The following WWP2 variants were observed in gnomAD, a reference collection of about 807,000 sequenced individuals.
WWP2 encodes WW domain containing E3 ubiquitin protein ligase 2, also known as NEDD4-like E3 ubiquitin-protein ligase WWP2.
In WWP2, 57 loss-of-function variants were observed where a neutral mutation model predicts 121.0. The ratio of observed to expected loss-of-function variants is 0.47; its 90% CI spans 0.38 to 0.59. The LOEUF (loss-of-function observed/expected upper bound fraction) is 0.59. WWP2 is among the 20% of genes least tolerant of loss of function. The probability of loss-of-function intolerance (pLI) is 0.00; values close to 1 mark genes in which losing one functional copy is unlikely to be tolerated. For missense variants in WWP2, 962 were observed against 1,158.9 expected (o/e 0.83, Z 2.47); for synonymous variants, 449 against 441.3 (o/e 1.02, Z -0.22).
At chr16:69,852,008 C>CAAAACAA (rs1339207652) in intron 6 of WWP2, among the ~76,000 whole-genome samples, 1 of 151,860 alleles carries the variant, frequency 6.6e-6, no homozygotes, top group Non-Finnish European at 1.5e-5. Context: ...CAAAACAAAA[C>CAAAACAA]AAAGTTTTTA....
At chr16:69,817,272 A>G (rs183151343) in intron 4 of WWP2, among the ~76,000 whole-genome samples, 3 of 152,122 alleles carry the variant, frequency 2.0e-5, no homozygotes, top group African/African-American at 7.2e-5. Context: ...GTTTTTTGAG[A>G]CAGTCTCATG....
At chr16:69,886,845 C>T (rs1011842522) in intron 7 of WWP2, among the ~76,000 whole-genome samples, 1 of 152,172 alleles carries the variant, frequency 6.6e-6, no homozygotes, top group Non-Finnish European at 1.5e-5. Flanking sequence ...CTGTAAGAAA[C>T]GTTCACGAAG....
intron 4 of WWP2, among the ~76,000 whole-genome samples, chr16:69,822,927 A>G (rs752142747): frequency 7.9e-5 from 12 of 152,224 alleles, no homozygotes; most frequent in Non-Finnish European, 1.6e-4. Context: ...ATTTGAGGCC[A>G]GGAATTCAAG....
chr16:69,934,043 A>T lies in WWP2; in HGVS notation c.1756A>T (p.Asn586Tyr). The change falls in exon 17 of 24, where the codon AAT becomes TAT. Residue 586 changes from asparagine to tyrosine, a missense_variant. Around this residue, in one of 3 missense-constraint regions of WWP2, gnomAD observed 606 missense variants for 772.6 expected, o/e 0.78. Coordinates refer to ENST00000359154, the MANE Select transcript of WWP2 (RefSeq NM_001270454.2). The part of the protein sequence containing the change: ...YCLFEYAGKN[N>Y]YCLQINPASS... ...TTTATTTGAATATGCCGGAAAGAAC[A>T]ATTACTGCCTGCAGATCAACCCCGC... 1 of 1,614,160 alleles carries T rather than the reference A, an allele frequency of 6.2e-7. No homozygotes were observed. The highest frequency in any genetic ancestry group is 8.5e-7 in the Non-Finnish European group (1 of 1,180,022).
chr16:69,762,533 G>C (rs1479602015), intron 1 of WWP2, 142 bp downstream of exon 1: 2 of 150,846 alleles, frequency 1.3e-5, no homozygotes, highest in African/African-American at 4.9e-5. Flanking sequence ...GGGGCCTGGC[G>C]CGGCGGTTCC....
intron 10 of WWP2, among the ~76,000 whole-genome samples, chr16:69,924,327 C>T (rs1339976082): frequency 2.6e-5 from 4 of 152,140 alleles, no homozygotes; most frequent in East Asian, 1.9e-4. Flanking sequence ...TGTGTGGCTC[C>T]GGCACCCCTA....
chr16:69,770,163 G>A (rs1324423435), intron 1 of WWP2, among the ~76,000 whole-genome samples: 1 of 152,124 alleles, frequency 6.6e-6, no homozygotes, highest in South Asian at 2.1e-4. Flanking sequence ...CACCTGGTCA[G>A]TGTCTTTTTG....
rs2058628976 is a variant in WWP2 at position 69,925,612 on chromosome 16, T to C, written c.1234+128T>C. 20 of 1,244,134 alleles carry C rather than the reference T, an allele frequency of 1.6e-5. No individual in the cohort carries two copies. Among genetic ancestry groups the C allele is most frequent in the African/African-American group, 3.0e-5 (2 of 66,522 alleles). 77.1% of individuals were successfully genotyped at this position (1,244,134 alleles called of 1,614,324 possible). ...TCCATCTCTCCCCTCTCCAGCACAC[T>C]CTCTGGGCATGCCCCACCAGAGCAA... On this transcript the variant is annotated intron_variant, in intron 11 of 23. Coordinates refer to ENST00000359154, the MANE Select transcript of WWP2 (RefSeq NM_001270454.2). The surrounding 1 kb of genome is among the most constrained non-coding windows in gnomAD (Gnocchi z 4.0).
At chr16:69,791,705 G>C (rs2055914861) in intron 2 of WWP2, among the ~76,000 whole-genome samples, 1 of 152,036 alleles carries the variant, frequency 6.6e-6, no homozygotes, top group Non-Finnish European at 1.5e-5. Context: ...TTTTTTTATA[G>C]AGATAGGTCT....
intron 6 of WWP2, among the ~76,000 whole-genome samples, chr16:69,844,253 T>C (rs1398398460): frequency 6.6e-6 from 1 of 152,170 alleles, no homozygotes; most frequent in Non-Finnish European, 1.5e-5. Flanking sequence ...GCAAATCTTG[T>C]GTCAACAAAG....
At chr16:69,922,935 G>C (rs1381744951) in intron 10 of WWP2, among the ~76,000 whole-genome samples, 1 of 151,992 alleles carries the variant, frequency 6.6e-6, no homozygotes, top group East Asian at 1.9e-4. Flanking sequence ...TGTTGCCCAG[G>C]TTAGAGTGCA....
At chr16:69,856,766 T>C (rs1345296595) in intron 6 of WWP2, among the ~76,000 whole-genome samples, 1 of 151,602 alleles carries the variant, frequency 6.6e-6, no homozygotes, top group Admixed American at 6.6e-5. Flanking sequence ...AGAGGGAGAC[T>C]CTATCTCAAA....
In WWP2 at chr16:69,868,386, GAGTA is replaced by G. The variant is rs2057566494; in HGVS notation, c.576-3416_576-3413del. 2.0e-5 allele frequency among the ~76,000 whole-genome samples: 3 copies of G among 152,154 alleles called. No individual in the cohort carries two copies. The South Asian group carries it at 6.2e-4, about 31-fold the overall frequency. The stretch of plus-strand genomic sequence containing the variant: ...TCTGGGAAGGGAGGGCAGGGCCAGG[GAGTA>G]ATGGGACCCACCCTATTGTCATGCC... On this transcript the variant is annotated intron_variant, in intron 6 of 23. Coordinates refer to ENST00000359154, the MANE Select transcript of WWP2 (RefSeq NM_001270454.2).
chr16:69,924,855 G>T, intron 10 of WWP2: 1 of 879,200 alleles, frequency 1.1e-6, no homozygotes, highest in Non-Finnish European at 1.4e-6. Context: ...AGTCTGGGTG[G>T]ACGCTGCACA....
chr16:69,820,304 G>A (rs2056569288), intron 4 of WWP2, among the ~76,000 whole-genome samples: 1 of 152,084 alleles, frequency 6.6e-6, no homozygotes, highest in African/African-American at 2.4e-5. Context: ...GTGCAGTGGT[G>A]CATCTCAGCT....
intron 8 of WWP2, among the ~76,000 whole-genome samples, chr16:69,893,065 G>A (rs1295718957): frequency 2.6e-5 from 4 of 152,128 alleles, no homozygotes; most frequent in Admixed American, 1.3e-4. Flanking sequence ...CCCTCTCTCC[G>A]GACTTAGGAT....
chr16:69,771,976 TTTG>T (rs2055426957), intron 1 of WWP2, among the ~76,000 whole-genome samples: 1 of 147,128 alleles, frequency 6.8e-6, no homozygotes, highest in African/African-American at 2.5e-5. Flanking sequence ...TTTTTTTTTT[TTTG>T]AGACAGAGTC....
intron 2 of WWP2, among the ~76,000 whole-genome samples, chr16:69,789,740 C>T (rs916561731): frequency 1.1e-4 from 16 of 152,210 alleles, no homozygotes; most frequent in African/African-American, 3.9e-4. Flanking sequence ...TGTTGTCAGA[C>T]TTTTAACTTT....
chr16:69,931,339 G>GAC, intron 14 of WWP2, 112 bp downstream of exon 14: 1 of 1,499,294 alleles, frequency 6.7e-7, no homozygotes, highest in Non-Finnish European at 9.2e-7. Flanking sequence ...GCGGGCGCAA[G>GAC]ACACTTGTCT....
Sources: allele counts gnomAD v4.1 joint callset (sites outside exome capture counted in the v4.1 genomes callset), GRCh38; gene constraint gnomAD v4.1.1; regional missense constraint gnomAD v4.1.1; non-coding constraint Gnocchi (gnomAD v3.1); transcripts MANE v1.5; gene names NCBI Gene and HGNC (gene_info 2026-07-23, HGNC 2026-07-21).